The following REPS1 variants were observed in gnomAD, a reference collection of about 807,000 sequenced individuals.
REPS1 encodes ralBP1-associated Eps domain-containing protein 1.
REPS1 carries 39 observed loss-of-function variants against 100.9 expected under a neutral mutation model. The observed-to-expected ratio is 0.39, with a 90% CI of 0.30 to 0.50. The LOEUF is 0.50. Ranked by LOEUF, REPS1 falls within the 20% of genes least tolerant of loss-of-function variation. The pLI is 0.86. For synonymous variants in REPS1, 324 were observed against 340.3 expected, an observed-to-expected ratio of 0.95 and a Z score of 0.53; for missense variants, 821 against 968.5, an observed-to-expected ratio of 0.85 and a Z score of 2.02.
At chr6:138,940,614 G>A (rs986964343) in intron 8 of REPS1, among the ~76,000 whole-genome samples, 2 of 151,952 alleles carry the variant, frequency 1.3e-5, no homozygotes, top group South Asian at 4.2e-4. Context: ...GCATGGTGGT[G>A]CGTGCCTGTA....
chr6:138,978,625 A>C (rs1582863737), intron 1 of REPS1, among the ~76,000 whole-genome samples: 1 of 152,194 alleles, frequency 6.6e-6, no homozygotes, highest in South Asian at 2.1e-4. Context: ...TTGTAGTTTT[A>C]AATACAAAAA....
intron 19 of REPS1, among the ~76,000 whole-genome samples, chr6:138,905,384 C>T (rs111766553): frequency 0.024 from 3,621 of 152,138 alleles, 153 homozygotes; most frequent in African/African-American, 0.082. Context: ...CTCCGCTTCC[C>T]GGGTTCACGC....
At chr6:138,950,109 C>T (rs1383746301) in intron 1 of REPS1, among the ~76,000 whole-genome samples, 5 of 152,052 alleles carry the variant, frequency 3.3e-5, no homozygotes, top group Admixed American at 6.5e-5. Context: ...TGAAAATATA[C>T]AAGTCTGACC....
At chr6:138,955,397 A>C (rs1783311513) in intron 1 of REPS1, among the ~76,000 whole-genome samples, 1 of 149,604 alleles carries the variant, frequency 6.7e-6, no homozygotes, top group African/African-American at 2.5e-5. Context: ...GCAGTGAGCT[A>C]GGAATTGTGC....
At chr6:138,969,761 T>TGTAAA (rs1263445215) in intron 1 of REPS1, among the ~76,000 whole-genome samples, 1 of 151,886 alleles carries the variant, frequency 6.6e-6, no homozygotes, top group Non-Finnish European at 1.5e-5. Context: ...GTTAAATATA[T>TGTAAA]GTCAAATAGC....
intron 15 of REPS1, among the ~76,000 whole-genome samples, chr6:138,913,267 G>C (rs1780133506): frequency 6.6e-6 from 1 of 151,938 alleles, no homozygotes; most frequent in South Asian, 2.1e-4. Flanking sequence ...ACTTGCATGT[G>C]TTTTTTTCTT....
chr6:138,942,120 C>T (rs56820156), intron 7 of REPS1, among the ~76,000 whole-genome samples: 13,382 of 152,168 alleles, frequency 0.088, 1,232 homozygotes, highest in African/African-American at 0.23. Flanking sequence ...GCTGGGATTA[C>T]AAGCGTGAGC....
chr6:138,923,206 G>C (rs1174823536), intron 10 of REPS1, among the ~76,000 whole-genome samples: 1 of 152,022 alleles, frequency 6.6e-6, no homozygotes, highest in African/African-American at 2.4e-5. Flanking sequence ...TTATATGTTG[G>C]TTATAAAAAC....
At chr6:138,924,185 G>C (rs1780956499) in intron 10 of REPS1, among the ~76,000 whole-genome samples, 1 of 152,122 alleles carries the variant, frequency 6.6e-6, no homozygotes. Context: ...TCAGATTTAA[G>C]TTTGCCAACA....
chr6:138,917,289 T>C (rs905665332), intron 13 of REPS1, among the ~76,000 whole-genome samples: 1 of 152,228 alleles, frequency 6.6e-6, no homozygotes, highest in African/African-American at 2.4e-5. Context: ...GTTGTTTAGG[T>C]ACAAAAAGGA....
chr6:138,987,575 C>T lies in REPS1; in HGVS notation c.108G>A (p.Leu36=). 6.4e-7 allele frequency: 1 copy of T among 1,550,908 alleles called. No individual in the cohort carries two copies. Among genetic ancestry groups the T allele is most frequent in the South Asian group, 1.2e-5 (1 of 84,048 alleles). The change falls in exon 1 of 20, where the codon CTG becomes CTA. Residue 36 remains leucine, a synonymous_variant. Coordinates refer to ENST00000450536, the MANE Select transcript of REPS1 (RefSeq NM_001286611.2). The part of the protein sequence containing the change: ...TKKVVVNGRV[L]ELFRAAQLPN... ...GCAGCTGCGCGGCCCGGAACAGCTC[C>T]AGCACCCGCCCGTTGACCACCACCT...
chr6:138,949,272 G>A (rs990177270), intron 1 of REPS1, among the ~76,000 whole-genome samples: 1 of 152,220 alleles, frequency 6.6e-6, no homozygotes, highest in African/African-American at 2.4e-5. Flanking sequence ...TAGAAATGAG[G>A]AGGTAGTGTT....
intron 1 of REPS1, among the ~76,000 whole-genome samples, chr6:138,950,497 G>T (rs1220595695): frequency 1.3e-5 from 2 of 151,914 alleles, no homozygotes; most frequent in Admixed American, 1.3e-4. Context: ...CAAAAAAAAA[G>T]AATAAGTTAA....
At chr6:138,921,331 TAA>T (rs564958834) in intron 10 of REPS1, among the ~76,000 whole-genome samples, 6 of 143,754 alleles carry the variant, frequency 4.2e-5, no homozygotes, top group African/African-American at 1.3e-4. Flanking sequence ...TCTGCTTAAT[TAA>T]AAAAAAAAAA....
Position 138,912,875 on chromosome 6 carries a change from T to C in REPS1, c.1861A>G (p.Ile621Val). Residue 621 changes from isoleucine to valine, a missense_variant, in exon 16 of 20, where the codon ATA (isoleucine) becomes GTA (valine). Ile to Val is a conservative substitution (Grantham distance 29, BLOSUM62 3). Coordinates refer to ENST00000450536, the MANE Select transcript of REPS1 (RefSeq NM_001286611.2). ...ITHTSTSPQQ[I>V]PEQPNFADFS... The stretch of plus-strand genomic sequence containing the variant: ...TCTGCAAAATTTGGTTGCTCTGGTA[T>C]CTGCTGAGGTGAGGTACTAGTGTGA... The C allele has an allele frequency of 6.2e-7, 1 of 1,614,142 alleles. No homozygotes were observed. Among genetic ancestry groups the C allele is most frequent in the Non-Finnish European group, 8.5e-7 (1 of 1,180,002 alleles).
chr6:138,918,058 T>A (rs897509981), intron 12 of REPS1, among the ~76,000 whole-genome samples: 10 of 151,956 alleles, frequency 6.6e-5, no homozygotes, highest in East Asian at 5.8e-4. Context: ...ACCGTTTTTT[T>A]AATATAGTTT....
At chr6:138,920,938 TAA>T in intron 11 of REPS1, 97 bp downstream of exon 11, 1 of 840,050 alleles carries the variant, frequency 1.2e-6, no homozygotes, top group Non-Finnish European at 2.0e-6. Flanking sequence ...AGTACTAGCT[TAA>T]AAAATAAGCG....
rs2128457283 is a variant in REPS1 at position 138,930,061 on chromosome 6, G to A, written c.1173C>T (p.Gly391=). The change falls in exon 9 of 20, where the codon GGC becomes GGT. Residue 391 remains glycine, a synonymous_variant. Coordinates refer to ENST00000450536, the MANE Select transcript of REPS1 (RefSeq NM_001286611.2). ...TGCTTGGAGGAGCTTCAGCAGGAGA[G>A]CCTGAATAACCTACCTCACCTGGCT... The part of the protein sequence containing the change: ...GDQPGEVGYS[G]SPAEAPPSKS... 4 of 1,613,196 alleles carry A rather than the reference G, an allele frequency of 2.5e-6. No individual in the cohort carries two copies. In the East Asian group the frequency reaches 8.9e-5, roughly 36 times the overall value.
intron 1 of REPS1, among the ~76,000 whole-genome samples, chr6:138,957,351 G>C (rs750862866): frequency 4.6e-5 from 7 of 152,168 alleles, no homozygotes; most frequent in Non-Finnish European, 7.3e-5. Context: ...ATGAGACTTA[G>C]CAGTAACACT....
Sources: allele counts gnomAD v4.1 joint callset (sites outside exome capture counted in the v4.1 genomes callset), GRCh38; gene constraint gnomAD v4.1.1; transcripts MANE v1.5; gene names NCBI Gene and HGNC (gene_info 2026-07-23, HGNC 2026-07-21).